Variants in UNC5C observed in about 807,000 individuals in gnomAD.
UNC5C encodes netrin receptor UNC5C.
Under a neutral mutation model 99.8 loss-of-function variants are expected in UNC5C, and 47 were observed. That is an observed-to-expected ratio of 0.47 (90% CI 0.37 to 0.60). The LOEUF is 0.60. Ranked by LOEUF, UNC5C falls within the 20% of genes least tolerant of loss-of-function variation. The probability of loss-of-function intolerance (pLI) is 0.00; values close to 1 mark genes in which losing one functional copy is unlikely to be tolerated. For synonymous variants in UNC5C, 487 were observed against 452.2 expected (o/e 1.08, Z -0.98); for missense variants, 1,062 against 1,165.9 (o/e 0.91, Z 1.30).
At chr4:95,176,651 C>G (rs890180828) in intron 14 of UNC5C, among the ~76,000 whole-genome samples, 67 of 152,230 alleles carry the variant, frequency 4.4e-4, no homozygotes, top group African/African-American at 1.4e-3. Flanking sequence ...TCAAAGCTGT[C>G]TGACAGGGAC....
intron 1 of UNC5C, among the ~76,000 whole-genome samples, chr4:95,410,316 C>G (rs866070528): frequency 2.0e-4 from 30 of 152,122 alleles, no homozygotes; most frequent in African/African-American, 7.0e-4. Context: ...ATACCTCCTA[C>G]TAGGTCCCAG....
At chr4:95,170,067 A>T in intron 15 of UNC5C, 87 bp downstream of exon 15, 8 of 1,505,016 alleles carry the variant, frequency 5.3e-6, no homozygotes, top group Non-Finnish European at 7.1e-6. Flanking sequence ...ATGGAAAAAA[A>T]AATGAAGCTA....
intron 1 of UNC5C, among the ~76,000 whole-genome samples, chr4:95,384,790 G>C (rs1017916635): frequency 2.6e-5 from 4 of 152,114 alleles, no homozygotes; most frequent in African/African-American, 7.2e-5. Flanking sequence ...TGAGAGACCA[G>C]GAGAGCCTCT....
chr4:95,484,027 C>T (rs12505412), intron 1 of UNC5C, among the ~76,000 whole-genome samples: 81,642 of 151,304 alleles, frequency 0.54, 22,861 homozygotes, highest in African/African-American at 0.69. Context: ...GGTCACATTC[C>T]AGTAGGAAGA....
At chr4:95,405,265 C>T (rs1745803250) in intron 1 of UNC5C, among the ~76,000 whole-genome samples, 2 of 152,288 alleles carry the variant, frequency 1.3e-5, no homozygotes. Context: ...AGCTGGAGCC[C>T]AAAGTACTCG....
At chr4:95,458,331 T>C (rs1174701222) in intron 1 of UNC5C, among the ~76,000 whole-genome samples, 1 of 152,064 alleles carries the variant, frequency 6.6e-6, no homozygotes, top group African/African-American at 2.4e-5. Flanking sequence ...ATCATATCTA[T>C]TAATAGAATT....
chr4:95,170,424 G>T, intron 14 of UNC5C, 92 bp from the exon 15 acceptor site: 2 of 1,397,938 alleles, frequency 1.4e-6, no homozygotes, highest in South Asian at 1.4e-5. Context: ...TGCTTTGAGT[G>T]ATAAGAAAAG....
chr4:95,258,544 T>A (rs561309843), intron 4 of UNC5C, among the ~76,000 whole-genome samples: 44 of 152,262 alleles, frequency 2.9e-4, no homozygotes, highest in South Asian at 1.2e-3. Flanking sequence ...TCAAACAATT[T>A]CTGTCCTTGT....
chr4:95,192,088 CCTTCCTCCCCTGCTCA>C (rs1490225032), intron 12 of UNC5C, among the ~76,000 whole-genome samples: 4 of 141,736 alleles, frequency 2.8e-5, no homozygotes, highest in East Asian at 2.3e-4. Context: ...CCTTTGCTCA[CCTTCCTCCCCTGCTCA>C]CTTCCTCCCC....
At chr4:95,269,524 G>A (rs1740577792) in intron 4 of UNC5C, among the ~76,000 whole-genome samples, 1 of 151,402 alleles carries the variant, frequency 6.6e-6, no homozygotes, top group African/African-American at 2.4e-5. Context: ...CTAGGCTCGA[G>A]TGATCCTACT....
chr4:95,179,447 T>TTAAAG (rs1241139619), intron 14 of UNC5C, among the ~76,000 whole-genome samples: 3 of 152,192 alleles, frequency 2.0e-5, no homozygotes, highest in African/African-American at 7.2e-5. Flanking sequence ...AAATCTATTA[T>TTAAAG]TAAAGTAAAG....
At chr4:95,479,322 G>A (rs937278504) in intron 1 of UNC5C, among the ~76,000 whole-genome samples, 8 of 151,870 alleles carry the variant, frequency 5.3e-5, no homozygotes, top group East Asian at 1.9e-4. Context: ...TGTGATCACC[G>A]TTTCTATGTG....
intron 7 of UNC5C, among the ~76,000 whole-genome samples, chr4:95,229,501 C>T (rs13435247): frequency 0.02 from 3,010 of 152,228 alleles, 101 homozygotes; most frequent in African/African-American, 0.068. Flanking sequence ...TGTATATGTG[C>T]CACATTTTCT....
At chr4:95,426,608 T>G (rs1472378573) in intron 1 of UNC5C, among the ~76,000 whole-genome samples, 1 of 152,190 alleles carries the variant, frequency 6.6e-6, no homozygotes. Flanking sequence ...GAAAACTTCA[T>G]GAAGCCAATT....
chr4:95,271,818 A>G (rs1232617609), intron 4 of UNC5C, among the ~76,000 whole-genome samples: 3 of 152,164 alleles, frequency 2.0e-5, no homozygotes, highest in African/African-American at 7.2e-5. Flanking sequence ...ACTCCAAATC[A>G]CTTACCGTCT....
rs554713597 is a variant in UNC5C at position 95,365,052 on chromosome 4, T to A, written c.125-29421A>T. ...GCTCACACCTGTAATCCCAGCACTT[T>A]GGGAGTCCGAGAAAGGCGGATCACC... On this transcript the variant is annotated intron_variant, in intron 1 of 15. Transcript: ENST00000453304. Among the ~76,000 whole-genome samples the A allele has an allele frequency of 2.6e-5, 4 of 151,670 alleles. No homozygotes were observed. In the South Asian group the frequency reaches 8.3e-4, roughly 31 times the overall value.
intron 1 of UNC5C, among the ~76,000 whole-genome samples, chr4:95,362,691 A>G (rs1042711795): frequency 6.6e-6 from 1 of 152,174 alleles, no homozygotes; most frequent in African/African-American, 2.4e-5. Flanking sequence ...ACCAATATGA[A>G]TGGTATTTTT....
chr4:95,493,859 C>G (rs1266298892), intron 1 of UNC5C, among the ~76,000 whole-genome samples: 1 of 151,394 alleles, frequency 6.6e-6, no homozygotes, highest in Non-Finnish European at 1.5e-5. Context: ...TATTAATAAA[C>G]AATCTGAAGG....
intron 14 of UNC5C, among the ~76,000 whole-genome samples, chr4:95,181,055 A>C (rs1736592843): frequency 1.3e-5 from 2 of 152,142 alleles, no homozygotes; most frequent in Non-Finnish European, 2.9e-5. Context: ...CAGCACCCGC[A>C]TTCAAATGCT....
Sources: allele counts gnomAD v4.1 joint callset (sites outside exome capture counted in the v4.1 genomes callset), GRCh38; gene constraint gnomAD v4.1.1; transcripts MANE v1.5; gene names NCBI Gene and HGNC (gene_info 2026-07-23, HGNC 2026-07-21).